TEX14: variants seen among roughly 807,000 people sequenced by gnomAD.
TEX14 encodes the protein testis expressed 14, intercellular bridge forming factor, also known as inactive serine/threonine-protein kinase TEX14.
TEX14 carries 168 observed loss-of-function variants against 178.6 expected under a neutral mutation model. The ratio of observed to expected loss-of-function variants is 0.94; its 90% CI spans 0.83 to 1.07. The LOEUF (loss-of-function observed/expected upper bound fraction) is 1.07, where lower values mean the gene tolerates loss of function less well. Ranked by LOEUF, TEX14 falls within the 50% of genes least tolerant of loss-of-function variation. The pLI, the probability that TEX14 is intolerant of heterozygous loss-of-function variation, is 0.00. For missense variants in TEX14, 1,730 were observed against 1,753.6 expected, an observed-to-expected ratio of 0.99 and a Z score of 0.24; for synonymous variants, 626 against 634.1, an observed-to-expected ratio of 0.99 and a Z score of 0.19.
chr17:58,601,407 A>G (rs2045437380), intron 13 of TEX14, among the ~76,000 whole-genome samples: 1 of 151,860 alleles, frequency 6.6e-6, no homozygotes, highest in African/African-American at 2.4e-5. Context: ...CTGTAATCCC[A>G]GCTACTCAGG....
At chr17:58,584,182 C>T (rs1046785440) in intron 19 of TEX14, among the ~76,000 whole-genome samples, 2 of 152,186 alleles carry the variant, frequency 1.3e-5, no homozygotes, top group African/African-American at 4.8e-5. Context: ...TGACCTCAGT[C>T]GCCTGCTGGG....
At chr17:58,675,203 A>G (rs1313692942) in intron 1 of TEX14, 1 of 152,172 alleles carries the variant, frequency 6.6e-6, no homozygotes, top group African/African-American at 2.4e-5. Flanking sequence ...CAATATTCTT[A>G]GCCATCAGGG....
At chr17:58,581,681 G>A in intron 19 of TEX14, 1 of 1,613,664 alleles carries the variant, frequency 6.2e-7, no homozygotes, top group Non-Finnish European at 8.5e-7. Context: ...AAATTCATCT[G>A]TTATATCCTC....
rs78068297 is a variant in TEX14 at position 58,619,684 on chromosome 17, C to G, written c.554+1966G>C. Among the ~76,000 whole-genome samples the G allele has an allele frequency of 8.3e-3, 1,255 of 151,718 alleles. 7 individuals carry two copies. Among genetic ancestry groups the G allele is most frequent in the Non-Finnish European group, 0.013 (915 of 67,928 alleles). On this transcript the variant is annotated intron_variant, in intron 5 of 31. Transcript: ENST00000349033. ...CCAGGTGTGCTAATTTTATAGTAAT[C>G]CCAGCTACTAAGGAGGCTGAGGCAG...
intron 2 of TEX14, among the ~76,000 whole-genome samples, chr17:58,643,480 C>T (rs957560308): frequency 2.6e-5 from 4 of 152,000 alleles, no homozygotes; most frequent in African/African-American, 9.7e-5. Context: ...AAACAAAAAC[C>T]TAGCTTATAG....
rs755709670 is a variant in TEX14, at chr17:58,602,579, AG to A, written c.1347del (p.Trp450GlyfsTer4). Reference protein sequence around the residue: ...IMQEILTDDIPWKGLDGSVVK... With the variant: ...IMQEILTDDIXWKGLDGSVVK... ...ACAACTGAGCCATCTAAGCCCTTCC[AG>A]GGTATGTCATCTGTAAGGAAAAAGT... On this transcript the variant is annotated frameshift_variant, in exon 12 of 32. Coordinates refer to ENST00000349033, the MANE Select transcript of TEX14 (RefSeq NM_031272.5). LOFTEE classifies it high-confidence loss of function. 27 of 1,611,778 alleles carry A rather than the reference AG, an allele frequency of 1.7e-5. No homozygotes were observed. Among genetic ancestry groups the A allele is most frequent in the Non-Finnish European group, 2.0e-5 (23 of 1,178,926 alleles).
intron 29 of TEX14, 78 bp from the exon 30 acceptor site, chr17:58,559,640 C>T: frequency 1.4e-6 from 1 of 702,070 alleles, no homozygotes. Flanking sequence ...AAACAAAAAA[C>T]AAACAACAAC....
chr17:58,613,302 A>G (rs2045791296), intron 9 of TEX14, 119 bp downstream of exon 9: 3 of 1,290,278 alleles, frequency 2.3e-6, no homozygotes, highest in Admixed American at 4.0e-5. Flanking sequence ...AAAGCAAAAG[A>G]ATAAAGATAT....
intron 14 of TEX14, among the ~76,000 whole-genome samples, chr17:58,598,580 CAGAG>C (rs1236317402): frequency 6.6e-6 from 1 of 152,128 alleles, no homozygotes; most frequent in African/African-American, 2.4e-5. Context: ...AACTGGGAGA[CAGAG>C]AGTATCTACG....
chr17:58,631,651 C>G (rs1190363659), intron 2 of TEX14: 2 of 151,116 alleles, frequency 1.3e-5, no homozygotes, highest in Non-Finnish European at 2.9e-5. Flanking sequence ...ACTACTCAGA[C>G]TGCCTTCTCT....
intron 2 of TEX14, chr17:58,631,339 GTC>G (rs1245290823): frequency 6.5e-6 from 1 of 152,770 alleles, no homozygotes; most frequent in Non-Finnish European, 1.5e-5. Context: ...CGTACCTATA[GTC>G]CCAGCTACTT....
In TEX14 at chr17:58,599,623, C is replaced by G. The variant is rs771241144; in HGVS notation, c.1722G>C (p.Glu574Asp). ...CTGGGGCCTGAGGATCTAGTGTCCC[C>G]TCAGTGAATAAAGAGTGAACCCTTG... ...HSPRVHSLFTEGTLDPQAPDP... is the reference protein window; with the variant it reads ...HSPRVHSLFTDGTLDPQAPDP... The change falls in exon 14 of 32, where the codon GAG (glutamate) becomes GAC (aspartate). Residue 574 changes from glutamate to aspartate, a missense_variant. This residue lies in a region of TEX14 where 941 missense variants were observed against 1,072.4 expected (regional missense o/e 0.88). Coordinates refer to ENST00000349033, the MANE Select transcript of TEX14 (RefSeq NM_031272.5). 6.2e-7 allele frequency: 1 copy of G among 1,613,694 alleles called. No homozygotes were observed. Among genetic ancestry groups the G allele is most frequent in the East Asian group, 2.2e-5 (1 of 44,868 alleles).
rs528824682 is a variant in TEX14, at chr17:58,589,553, G to A, written c.2577-1532C>T. Among the ~76,000 whole-genome samples, 735 of 104,100 alleles carry A rather than the reference G, an allele frequency of 7.1e-3. 9 individuals are homozygous for A. The highest frequency in any genetic ancestry group is 0.03 in the African/African-American group (681 of 22,910). 68.3% of individuals were successfully genotyped at this position (104,100 alleles called of 152,430 possible). ...AGCTTGGGCAACAGTGCGAGACTCC[G>A]TCTCAAAAAAAAAAAAAAAAAAAAG... is the stretch of plus-strand genomic sequence containing the variant. On this transcript the variant is annotated intron_variant, in intron 15 of 31. Coordinates refer to ENST00000349033, the MANE Select transcript of TEX14 (RefSeq NM_031272.5).
intron 1 of TEX14, among the ~76,000 whole-genome samples, chr17:58,690,660 C>T (rs954841068): frequency 6.6e-6 from 1 of 152,106 alleles, no homozygotes; most frequent in Non-Finnish European, 1.5e-5. Context: ...ATCCACTGAG[C>T]GCTCAAATAT....
chr17:58,614,307 T>A (rs2045819216), intron 8 of TEX14, among the ~76,000 whole-genome samples: 1 of 152,046 alleles, frequency 6.6e-6, no homozygotes, highest in African/African-American at 2.4e-5. Flanking sequence ...CTGGCCAAGA[T>A]GATGAAACCC....
At chr17:58,661,783 G>T in intron 1 of TEX14, 1 of 517,352 alleles carries the variant, frequency 1.9e-6, no homozygotes, top group Non-Finnish European at 3.4e-6. Context: ...CTGAATCGCT[G>T]CTCCACTCCG....
chr17:58,674,839 G>GAA (rs1169811140), intron 1 of TEX14, among the ~76,000 whole-genome samples: 6 of 123,396 alleles, frequency 4.9e-5, no homozygotes, highest in Non-Finnish European at 1.0e-4. Flanking sequence ...GAGGCCTTTG[G>GAA]AAAAAAAAAA....
chr17:58,614,566 CAA>C (rs753874210), intron 8 of TEX14, among the ~76,000 whole-genome samples: 1 of 152,214 alleles, frequency 6.6e-6, no homozygotes, highest in Non-Finnish European at 1.5e-5. Flanking sequence ...AGTCTCATGT[CAA>C]AGTCTATGTT....
At chr17:58,595,996 A>C (rs528550628) in intron 14 of TEX14, among the ~76,000 whole-genome samples, 3 of 152,152 alleles carry the variant, frequency 2.0e-5, no homozygotes, top group Non-Finnish European at 4.4e-5. Flanking sequence ...CAGCCTGGCC[A>C]ATATGGTAAA....
Sources: allele counts gnomAD v4.1 joint callset (sites outside exome capture counted in the v4.1 genomes callset), GRCh38; gene constraint gnomAD v4.1.1; regional missense constraint gnomAD v4.1.1; transcripts MANE v1.5; gene names NCBI Gene and HGNC (gene_info 2026-07-23, HGNC 2026-07-21).